Variants in TMEM178B observed in about 807,000 individuals in gnomAD.
TMEM178B encodes transmembrane protein 178B.
TMEM178B carries 5 observed loss-of-function variants against 31.0 expected under a neutral mutation model. That is an observed-to-expected ratio of 0.16 (90% CI 0.08 to 0.34). The LOEUF (loss-of-function observed/expected upper bound fraction) is 0.34. TMEM178B is among the 10% of genes least tolerant of loss of function. TMEM178B has a pLI of 1.00. For synonymous variants in TMEM178B, 164 were observed against 164.0 expected (o/e 1.00, Z 0.00); for missense variants, 275 against 400.3 (o/e 0.69, Z 2.67).
At chr7:141,133,075 A>G (rs1176054536) in intron 1 of TMEM178B, among the ~76,000 whole-genome samples, 2 of 152,224 alleles carry the variant, frequency 1.3e-5, no homozygotes, top group African/African-American at 4.8e-5. Flanking sequence ...AGATATATCT[A>G]TAGAAAAAGT....
chr7:141,339,307 G>A (rs972278375), intron 2 of TMEM178B, among the ~76,000 whole-genome samples: 2 of 152,116 alleles, frequency 1.3e-5, no homozygotes, highest in Non-Finnish European at 2.9e-5. Context: ...GCCACCTCTC[G>A]TCCGCCTCAG....
rs1432141609 is a variant in TMEM178B, at chr7:141,171,958, G to A, written c.383-40633G>A. 6.6e-6 allele frequency among the ~76,000 whole-genome samples: 1 copy of A among 152,196 alleles called. No individual in the cohort carries two copies. Among genetic ancestry groups the A allele is most frequent in the Non-Finnish European group, 1.5e-5 (1 of 68,030 alleles). On this transcript the variant is annotated intron_variant, in intron 1 of 3. Transcript: ENST00000565468. This position sits in a 1 kb window ranked among gnomAD's most constrained non-coding sequence, Gnocchi z 4.3. The stretch of plus-strand genomic sequence containing the variant: ...CAGGTAATTGTTGAGTACCTATTGT[G>A]TGCTAGTGCTGTGATTGCGACCATT...
intron 1 of TMEM178B, among the ~76,000 whole-genome samples, chr7:141,119,016 C>T (rs756697471): frequency 9.2e-5 from 14 of 152,018 alleles, no homozygotes; most frequent in Non-Finnish European, 1.6e-4. Context: ...GTCAGGCAGG[C>T]CTTGTATTAG....
chr7:141,459,701 G>A (rs1404903868), intron 3 of TMEM178B, among the ~76,000 whole-genome samples: 2 of 152,154 alleles, frequency 1.3e-5, no homozygotes, highest in Non-Finnish European at 2.9e-5. Flanking sequence ...ACAGGACAAT[G>A]GCACTTTGAC....
At chr7:141,192,319 G>A (rs1796709614) in intron 1 of TMEM178B, among the ~76,000 whole-genome samples, 1 of 152,098 alleles carries the variant, frequency 6.6e-6, no homozygotes, top group South Asian at 2.1e-4. Context: ...GGTTAGATAA[G>A]GACCGTCAGG....
intron 1 of TMEM178B, among the ~76,000 whole-genome samples, chr7:141,102,003 T>C (rs1563088019): frequency 6.6e-6 from 1 of 151,638 alleles, no homozygotes; most frequent in Non-Finnish European, 1.5e-5. Context: ...TTTTTTTCAG[T>C]AGGTTTGATT....
At chr7:141,119,647 A>G (rs979303299) in intron 1 of TMEM178B, among the ~76,000 whole-genome samples, 18 of 152,124 alleles carry the variant, frequency 1.2e-4, no homozygotes, top group Admixed American at 3.3e-4. Flanking sequence ...TCAGTGGGGA[A>G]TCCCTGTCTT....
At chr7:141,280,806 A>G (rs1235897569) in intron 2 of TMEM178B, among the ~76,000 whole-genome samples, 4 of 151,036 alleles carry the variant, frequency 2.6e-5, no homozygotes, top group African/African-American at 9.7e-5. Context: ...TTGTGCCCAG[A>G]CCCTGGGTCT....
At chr7:141,296,515 T>G (rs1318189212) in intron 2 of TMEM178B, among the ~76,000 whole-genome samples, 2 of 152,212 alleles carry the variant, frequency 1.3e-5, no homozygotes, top group Non-Finnish European at 2.9e-5. Context: ...AGTGCCTGCT[T>G]GCAGAAAGCC....
the TMEM178B span, among the ~76,000 whole-genome samples, chr7:141,487,564 AC>A: frequency 6.6e-6 from 1 of 151,854 alleles, no homozygotes; most frequent in African/African-American, 2.4e-5. Context: ...ACATAGTGAA[AC>A]CCCGTCTCTA....
intron 1 of TMEM178B, among the ~76,000 whole-genome samples, chr7:141,102,695 T>C (rs1020089305): frequency 6.6e-6 from 1 of 152,214 alleles, no homozygotes; most frequent in Non-Finnish European, 1.5e-5. Context: ...CATTCACACT[T>C]TGTCGATCTA....
rs1241391366 is a variant in TMEM178B at position 141,472,907 on chromosome 7, C to T, written c.*2121C>T. On this transcript the variant is annotated 3_prime_UTR_variant, in exon 4 of 4. Transcript: ENST00000565468. ...TGGTGCATTTTGTGTACGTTTGTGT[C>T]AGTACACACCTGCACACAGGTGTGG... 1.3e-5 allele frequency: 2 copies of T among 152,108 alleles called. No homozygotes were observed. Among genetic ancestry groups the T allele is most frequent in the Non-Finnish European group, 1.5e-5 (1 of 68,022 alleles). 9.4% of individuals were successfully genotyped at this position (152,108 alleles called of 1,614,324 possible).
At chr7:141,126,885 G>GTGTA (rs1365901408) in intron 1 of TMEM178B, among the ~76,000 whole-genome samples, 1 of 150,676 alleles carries the variant, frequency 6.6e-6, no homozygotes, top group Admixed American at 6.6e-5. Flanking sequence ...GTGTGTGTGT[G>GTGTA]TGTGTGTATG....
At chr7:141,311,278 T>C (rs1798905825) in intron 2 of TMEM178B, among the ~76,000 whole-genome samples, 1 of 152,244 alleles carries the variant, frequency 6.6e-6, no homozygotes, top group African/African-American at 2.4e-5. Context: ...AGGCACATCC[T>C]GCACATGTAT....
chr7:141,382,812 C>T (rs1800343516), intron 2 of TMEM178B, among the ~76,000 whole-genome samples: 1 of 152,224 alleles, frequency 6.6e-6, no homozygotes, highest in East Asian at 1.9e-4. Context: ...ACAAACCTCA[C>T]AATGCACACA....
chr7:141,410,984 G>A (rs992555821), intron 2 of TMEM178B, among the ~76,000 whole-genome samples: 1 of 152,204 alleles, frequency 6.6e-6, no homozygotes, highest in African/African-American at 2.4e-5. Context: ...ATGGTTCCAT[G>A]CATTTAAGGC....
intron 1 of TMEM178B, among the ~76,000 whole-genome samples, chr7:141,193,933 T>G (rs1280877049): frequency 1.3e-5 from 2 of 152,148 alleles, no homozygotes; most frequent in Middle Eastern, 3.2e-3. Flanking sequence ...TACTTCTTAC[T>G]TGGCAGCAAC....
chr7:141,184,092 C>A (rs1253255606), intron 1 of TMEM178B, among the ~76,000 whole-genome samples: 4 of 152,180 alleles, frequency 2.6e-5, no homozygotes, highest in African/African-American at 7.2e-5. Context: ...GAGTTCCCTG[C>A]AGAACAGCAC....
rs116259280 is a variant in TMEM178B, at chr7:141,107,500, G to T, written c.382+32808G>T. Among the ~76,000 whole-genome samples, 287 of 152,254 alleles carry T rather than the reference G, an allele frequency of 1.9e-3. 1 individual carries two copies. The highest frequency in any genetic ancestry group is 6.7e-3 in the African/African-American group (278 of 41,538). On this transcript the variant is annotated intron_variant, in intron 1 of 3. Coordinates refer to ENST00000565468, the MANE Select transcript of TMEM178B (RefSeq NM_001195278.2). ...AGTAGAGATACTTTAAAGGTACAGT[G>T]AACAGGATTTTCTGATGGATTGAGT...
Sources: gnomAD v4.1 joint callset for allele counts (sites outside exome capture counted in the v4.1 genomes callset) on GRCh38, gnomAD v4.1.1 for gene constraint, Gnocchi (gnomAD v3.1) non-coding constraint, MANE v1.5 for transcripts, NCBI Gene and HGNC (gene_info 2026-07-23, HGNC 2026-07-21) for gene names.